MGAT4C: variants seen among roughly 807,000 people sequenced by gnomAD.
The protein encoded by MGAT4C is alpha-1,3-mannosyl-glycoprotein 4-beta-N-acetylglucosaminyltransferase C.
MGAT4C carries 19 observed loss-of-function variants against 40.1 expected under a neutral mutation model. The ratio of observed to expected loss-of-function variants is 0.47; its 90% CI spans 0.33 to 0.70. The LOEUF is 0.70. Among genes scored for constraint, MGAT4C ranks in the 30% least tolerant of loss-of-function variants. MGAT4C has a pLI of 0.02. For missense variants in MGAT4C, 491 were observed against 563.2 expected (o/e 0.87, Z 1.30); for synonymous variants, 181 against 187.1 (o/e 0.97, Z 0.27).
At chr12:86,175,840 G>A (rs866068535) in intron 1 of MGAT4C, among the ~76,000 whole-genome samples, 3 of 151,234 alleles carry the variant, frequency 2.0e-5, no homozygotes, top group Non-Finnish European at 2.9e-5. Flanking sequence ...GCGTGGTGGC[G>A]GACGCCAGTA....
intron 2 of MGAT4C, among the ~76,000 whole-genome samples, chr12:86,600,826 C>T (rs1485697605): frequency 6.6e-6 from 1 of 152,222 alleles, no homozygotes. Flanking sequence ...TGGACTCCGG[C>T]ATCCCTGTAC....
At chr12:86,683,486 A>C (rs1950018470) in intron 2 of MGAT4C, among the ~76,000 whole-genome samples, 1 of 152,118 alleles carries the variant, frequency 6.6e-6, no homozygotes, top group Non-Finnish European at 1.5e-5. Context: ...CTTACCTAAA[A>C]TATTGCCCTG....
At chr12:86,718,225 T>G (rs1027983290) in intron 2 of MGAT4C, among the ~76,000 whole-genome samples, 1 of 152,218 alleles carries the variant, frequency 6.6e-6, no homozygotes, top group Non-Finnish European at 1.5e-5. Context: ...TGACCCATTG[T>G]TTATGTTTTT....
chr12:86,503,833 G>T (rs1958420578), intron 2 of MGAT4C, among the ~76,000 whole-genome samples: 1 of 102,090 alleles, frequency 9.8e-6, no homozygotes, highest in Non-Finnish European at 1.9e-5. Flanking sequence ...TCAATTTTCT[G>T]CTAAATTTTG....
At chr12:86,063,435 G>A (rs1488519652) in intron 1 of MGAT4C, among the ~76,000 whole-genome samples, 4 of 152,194 alleles carry the variant, frequency 2.6e-5, no homozygotes, top group African/African-American at 4.8e-5. Context: ...AAATTGTAAA[G>A]GTCATTGAGA....
intron 2 of MGAT4C, among the ~76,000 whole-genome samples, chr12:86,696,919 C>T (rs1364657637): frequency 1.3e-5 from 2 of 151,990 alleles, no homozygotes; most frequent in African/African-American, 2.4e-5. Context: ...GACAAATAAA[C>T]ATTAGAAGAC....
intron 3 of MGAT4C, among the ~76,000 whole-genome samples, chr12:86,381,828 T>C (rs1565719840): frequency 2.0e-5 from 3 of 152,176 alleles, no homozygotes; most frequent in African/African-American, 7.2e-5. Context: ...TTTCCTGTGC[T>C]GTTCTCGTAA....
chr12:86,603,157 G>A (rs1175036412), intron 2 of MGAT4C, among the ~76,000 whole-genome samples: 1 of 148,172 alleles, frequency 6.7e-6, no homozygotes, highest in African/African-American at 2.5e-5. Context: ...TAATCGGGCA[G>A]GATGAATAAT....
chr12:86,012,930 G>C (rs12322940), intron 2 of MGAT4C, among the ~76,000 whole-genome samples: 62,871 of 150,970 alleles, frequency 0.42, 13,665 homozygotes, highest in Middle Eastern at 0.49. Flanking sequence ...TTGCGACCAG[G>C]GTGGGCAACG....
chr12:86,425,498 C>T (rs959237513), intron 3 of MGAT4C, among the ~76,000 whole-genome samples: 16 of 152,200 alleles, frequency 1.1e-4, no homozygotes, highest in Admixed American at 3.3e-4. Flanking sequence ...CCTCTGCAGC[C>T]ATGCAGAACT....
chr12:85,978,355 T>C lies in MGAT4C; in HGVS notation c.*934A>G, dbSNP rs1012555048. On this transcript the variant is annotated 3_prime_UTR_variant, in exon 5 of 5. Transcript: ENST00000611864. ...AACTAATTTCTATGGTTCTTACTTT[T>C]CTCCTTTATAATATACCCATTTAAA... 13 of 151,678 alleles carry C rather than the reference T, an allele frequency of 8.6e-5. No individual in the cohort carries two copies. The highest frequency in any genetic ancestry group is 3.1e-4 in the African/African-American group (13 of 41,396). 9.4% of individuals were successfully genotyped at this position (151,678 alleles called of 1,614,324 possible).
At chr12:86,083,649 CAG>C (rs1395158853) in intron 1 of MGAT4C, among the ~76,000 whole-genome samples, 2 of 152,004 alleles carry the variant, frequency 1.3e-5, no homozygotes, top group Non-Finnish European at 2.9e-5. Flanking sequence ...GACTCATACA[CAG>C]AGTGAATTAT....
chr12:86,579,264 A>T (rs148926566), intron 2 of MGAT4C, among the ~76,000 whole-genome samples: 1 of 150,754 alleles, frequency 6.6e-6, no homozygotes, highest in African/African-American at 2.4e-5. Flanking sequence ...AATGAAGGTG[A>T]TTTTTCTCTG....
At chr12:86,036,252 A>T (rs1427286298) in intron 2 of MGAT4C, among the ~76,000 whole-genome samples, 1 of 149,996 alleles carries the variant, frequency 6.7e-6, no homozygotes, top group African/African-American at 2.4e-5. Context: ...CAATCATGTC[A>T]TCTGCAAACA....
chr12:86,359,794 T>A lies in MGAT4C; in HGVS notation c.-119-25667A>T, dbSNP rs1231295879. Among the ~76,000 whole-genome samples, 3 of 152,106 alleles carry A rather than the reference T, an allele frequency of 2.0e-5. No individual in the cohort carries two copies. The South Asian group carries it at 6.2e-4, about 31-fold the overall frequency. ...GACTAAACCAGGAAGAAGTTGAATC[T>A]CTGAATAGACCAATAACAGGCTCTG... is the stretch of plus-strand genomic sequence containing the variant. On this transcript the variant is annotated intron_variant, in intron 3 of 7. Coordinates refer to the MGAT4C transcript ENST00000548651.
chr12:86,009,317 C>G (rs971646604), intron 2 of MGAT4C, among the ~76,000 whole-genome samples: 1 of 152,146 alleles, frequency 6.6e-6, no homozygotes, highest in African/African-American at 2.4e-5. Context: ...TCTTTAGTAG[C>G]CTTGAATAGT....
intron 3 of MGAT4C, among the ~76,000 whole-genome samples, chr12:86,370,626 A>G (rs1955696646): frequency 6.6e-6 from 1 of 152,106 alleles, no homozygotes; most frequent in Non-Finnish European, 1.5e-5. Context: ...GATTGTTACG[A>G]AAGCAAAACT....
intron 2 of MGAT4C, among the ~76,000 whole-genome samples, chr12:86,047,992 G>A (rs970337617): frequency 7.2e-5 from 11 of 151,822 alleles, no homozygotes; most frequent in Admixed American, 2.6e-4. Context: ...AATTGATCAT[G>A]AACAACACAG....
At chr12:86,498,959 T>C (rs1958288523) in intron 2 of MGAT4C, among the ~76,000 whole-genome samples, 2 of 151,994 alleles carry the variant, frequency 1.3e-5, no homozygotes, top group African/African-American at 4.8e-5. Flanking sequence ...GCACTATAGA[T>C]TGAAGACTGC....
Sources: gnomAD v4.1 joint callset for allele counts (sites outside exome capture counted in the v4.1 genomes callset) on GRCh38, gnomAD v4.1.1 for gene constraint, MANE v1.5 for transcripts, NCBI Gene and HGNC (gene_info 2026-07-23, HGNC 2026-07-21) for gene names.